PRKCE: variants seen among roughly 807,000 people sequenced by gnomAD.
PRKCE encodes protein kinase C epsilon.
In PRKCE, 16 loss-of-function variants were observed where a neutral mutation model predicts 85.4. The observed-to-expected ratio is 0.19, with a 90% CI of 0.13 to 0.28. PRKCE has a LOEUF of 0.28. PRKCE is among the 10% of genes least tolerant of loss of function. PRKCE has a pLI of 1.00. For synonymous variants in PRKCE, 388 were observed against 371.5 expected (o/e 1.04, Z -0.51); for missense variants, 573 against 975.2 (o/e 0.59, Z 5.49).
rs555431331 is a variant in PRKCE at position 46,171,400 on chromosome 2, A to C, written c.2067+11648A>C. Among the ~76,000 whole-genome samples, 6 of 152,350 alleles carry C rather than the reference A, an allele frequency of 3.9e-5. No homozygotes were observed. The South Asian group carries it at 1.2e-3, about 32-fold the overall frequency. On this transcript the variant is annotated intron_variant, in intron 14 of 14. Transcript: ENST00000306156. ...GAATGCAGTTGTTTGTTTGATGTTAACACAGCAACACCGCTATTGACAGAA... is the reference window on the plus strand; with the variant it reads ...GAATGCAGTTGTTTGTTTGATGTTACCACAGCAACACCGCTATTGACAGAA...
chr2:45,910,491 C>G (rs1697308056), intron 2 of PRKCE, among the ~76,000 whole-genome samples: 1 of 152,160 alleles, frequency 6.6e-6, no homozygotes, highest in Non-Finnish European at 1.5e-5. Context: ...CTGGGAGCAC[C>G]TTACATGGGA....
chr2:45,756,507 T>G (rs1400437490), intron 1 of PRKCE, among the ~76,000 whole-genome samples: 6 of 152,216 alleles, frequency 3.9e-5, no homozygotes, highest in Non-Finnish European at 8.8e-5. Flanking sequence ...TCAAGATAAA[T>G]GAAAGCATTT....
At chr2:46,061,859 C>CTTTTCTTTTCTTTTTCTTT (rs869162406) in intron 10 of PRKCE, among the ~76,000 whole-genome samples, 25 of 107,746 alleles carry the variant, frequency 2.3e-4, no homozygotes, top group African/African-American at 3.6e-4. Context: ...TTTTCTTTTT[C>CTTTTCTTTTCTTTTTCTTT]TTTTTTTTTT....
chr2:45,745,175 C>T lies in PRKCE; in HGVS notation c.348+92727C>T, dbSNP rs761751023. Reference sequence around the variant, plus strand: ...CTTACAATTGTCCCTGTCTGTCATGCGGGTCCTGCAAACCATTCAATTCTG... The same window carrying T: ...CTTACAATTGTCCCTGTCTGTCATGTGGGTCCTGCAAACCATTCAATTCTG... On this transcript the variant is annotated intron_variant, in intron 1 of 14. Coordinates refer to ENST00000306156, the MANE Select transcript of PRKCE (RefSeq NM_005400.3). 1.1e-4 allele frequency among the ~76,000 whole-genome samples: 16 copies of T among 152,138 alleles called. 1 individual carries two copies. Among genetic ancestry groups the T allele is most frequent in the South Asian group, 8.3e-4 (4 of 4,832 alleles).
rs1320183464 is a variant in PRKCE, at chr2:46,001,188, T to C, written c.824-216T>C. Among the ~76,000 whole-genome samples the C allele has an allele frequency of 6.6e-6, 1 of 152,036 alleles. No homozygotes were observed. The highest frequency in any genetic ancestry group is 2.4e-5 in the African/African-American group (1 of 41,364). ...AGAAAGGATGGCTGGAATGAAGTAC[T>C]AGAAACAGTGGTTATCTCTGCAAGG... is the stretch of plus-strand genomic sequence containing the variant. On this transcript the variant is annotated intron_variant, in intron 6 of 14. Coordinates refer to ENST00000306156, the MANE Select transcript of PRKCE (RefSeq NM_005400.3). This position sits in a 1 kb window ranked among gnomAD's most constrained non-coding sequence, Gnocchi z 4.4.
At chr2:45,661,335 A>G (rs1675630511) in intron 1 of PRKCE, among the ~76,000 whole-genome samples, 1 of 151,572 alleles carries the variant, frequency 6.6e-6, no homozygotes, top group African/African-American at 2.4e-5. Flanking sequence ...AGCATGAGCC[A>G]CCACACCCGA....
intron 10 of PRKCE, among the ~76,000 whole-genome samples, chr2:46,077,641 A>ATGT (rs940563628): frequency 6.6e-6 from 1 of 152,232 alleles, no homozygotes; most frequent in Admixed American, 6.5e-5. Flanking sequence ...GGCTGAAAAC[A>ATGT]TGTGAAAATG....
At chr2:45,832,135 C>T (rs559720790) in intron 1 of PRKCE, among the ~76,000 whole-genome samples, 5 of 152,058 alleles carry the variant, frequency 3.3e-5, no homozygotes, top group Non-Finnish European at 7.4e-5. Context: ...TATTATGATG[C>T]AGGAATATTC....
In PRKCE at chr2:46,184,611, C is replaced by T; in HGVS notation, c.2068-124C>T. On this transcript the variant is annotated intron_variant, in intron 14 of 14. Coordinates refer to ENST00000306156, the MANE Select transcript of PRKCE (RefSeq NM_005400.3). This position sits in a 1 kb window ranked among gnomAD's most constrained non-coding sequence, Gnocchi z 5.0. ...CCTCATCGGGACAGCCCCGTGTCTG[C>T]TGTCTGTTGGTAGCTAGAGGCCTGC... is the stretch of plus-strand genomic sequence containing the variant. 1 of 1,246,624 alleles carries T rather than the reference C, an allele frequency of 8.0e-7. No homozygotes were observed. The highest frequency in any genetic ancestry group is 1.1e-6 in the Non-Finnish European group (1 of 897,458). 77.2% of individuals were successfully genotyped at this position (1,246,624 alleles called of 1,614,324 possible).
chr2:45,775,795 A>G (rs781634414), intron 1 of PRKCE, among the ~76,000 whole-genome samples: 69 of 151,934 alleles, frequency 4.5e-4, no homozygotes, highest in Non-Finnish European at 8.1e-4. Context: ...ATGGGTGAAA[A>G]TCCTTAAAAC....
intron 2 of PRKCE, among the ~76,000 whole-genome samples, chr2:45,869,112 T>G (rs1693871045): frequency 6.6e-6 from 1 of 152,204 alleles, no homozygotes; most frequent in Non-Finnish European, 1.5e-5. Context: ...TTGTGATAGG[T>G]GATCTACTTT....
intron 1 of PRKCE, among the ~76,000 whole-genome samples, chr2:45,828,630 T>C (rs560531042): frequency 6.6e-6 from 1 of 152,348 alleles, no homozygotes; most frequent in Admixed American, 6.5e-5. Flanking sequence ...TCAGGATGAC[T>C]GAGTTTCTTT....
intron 2 of PRKCE, among the ~76,000 whole-genome samples, chr2:45,939,025 T>G (rs1699687787): frequency 6.6e-6 from 1 of 152,140 alleles, no homozygotes; most frequent in African/African-American, 2.4e-5. Flanking sequence ...CATCCAACCC[T>G]GCTGTCCCAG....
chr2:45,846,469 G>T (rs1000552861), intron 2 of PRKCE, among the ~76,000 whole-genome samples: 1 of 152,118 alleles, frequency 6.6e-6, no homozygotes, highest in East Asian at 1.9e-4. Flanking sequence ...AGGCCCATTG[G>T]TATGTTTGGA....
chr2:45,842,562 T>C (rs963527407), intron 1 of PRKCE, among the ~76,000 whole-genome samples: 1 of 152,222 alleles, frequency 6.6e-6, no homozygotes, highest in African/African-American at 2.4e-5. Flanking sequence ...AATTTCCATA[T>C]CTGTAAAATG....
chr2:45,840,800 CGTT>C (rs1171766041), intron 1 of PRKCE, among the ~76,000 whole-genome samples: 7 of 152,144 alleles, frequency 4.6e-5, no homozygotes, highest in African/African-American at 1.7e-4. Context: ...TGGGGTGAGA[CGTT>C]GGGAGAGTTT....
At chr2:45,703,690 A>G (rs1185399261) in intron 1 of PRKCE, among the ~76,000 whole-genome samples, 2 of 152,038 alleles carry the variant, frequency 1.3e-5, no homozygotes, top group African/African-American at 4.8e-5. Flanking sequence ...ATTTTCCTTT[A>G]TTGTCCTAAA....
intron 1 of PRKCE, among the ~76,000 whole-genome samples, chr2:45,775,671 G>A (rs186962507): frequency 2.2e-3 from 341 of 152,276 alleles, no homozygotes; most frequent in African/African-American, 7.9e-3. Context: ...GGAACTTGCA[G>A]TCACCTCCTA....
At chr2:45,832,239 G>A (rs1690486963) in intron 1 of PRKCE, among the ~76,000 whole-genome samples, 1 of 151,776 alleles carries the variant, frequency 6.6e-6, no homozygotes. Context: ...TGGGTTTAGT[G>A]TACCTTACAA....
Sources: allele counts gnomAD v4.1 joint callset (sites outside exome capture counted in the v4.1 genomes callset), GRCh38; gene constraint gnomAD v4.1.1; non-coding constraint Gnocchi (gnomAD v3.1); transcripts MANE v1.5; gene names NCBI Gene and HGNC (gene_info 2026-07-23, HGNC 2026-07-21).